Variants in SUPT3H observed in about 807,000 individuals in gnomAD.
SUPT3H encodes SPT3 homolog, SAGA and STAGA complex component.
A neutral mutation model predicts 44.3 loss-of-function variants in SUPT3H; 44 were observed. That is an observed-to-expected ratio of 0.99 (90% confidence interval 0.78 to 1.28). SUPT3H has a LOEUF of 1.28. Among genes scored for constraint, SUPT3H ranks in the 50% most tolerant of loss-of-function variants. The pLI, the probability that SUPT3H is intolerant of heterozygous loss-of-function variation, is 0.00. For missense variants in SUPT3H, 380 were observed against 387.1 expected, an observed-to-expected ratio of 0.98 and a Z score of 0.15; for synonymous variants, 124 against 125.6, an observed-to-expected ratio of 0.99 and a Z score of 0.09.
chr6:45,316,607 T>C (rs1784741186), intron 2 of SUPT3H, among the ~76,000 whole-genome samples: 1 of 152,062 alleles, frequency 6.6e-6, no homozygotes, highest in South Asian at 2.1e-4. Flanking sequence ...AATTAACATG[T>C]GAAAATCAGT....
At position 45,152,384 on chromosome 6, in the gene SUPT3H, AGCT is replaced by A. The variant is rs368022855; in HGVS notation, c.102-46381_102-46379del. On this transcript the variant is annotated intron_variant, in intron 2 of 10. Coordinates refer to ENST00000371459, the MANE Select transcript of SUPT3H (RefSeq NM_003599.4). ...CTCCAACTGCTAATGCCTTAAGCGA[AGCT>A]GCTATCATCTCTAGCCTGGGCAGTT... 4.8e-3 allele frequency among the ~76,000 whole-genome samples: 731 copies of A among 152,280 alleles called. 5 individuals carry two copies. The highest frequency in any genetic ancestry group is 0.017 in the African/African-American group (698 of 41,578).
chr6:45,022,309 C>A (rs561729294), intron 3 of SUPT3H, among the ~76,000 whole-genome samples: 2 of 152,004 alleles, frequency 1.3e-5, no homozygotes, highest in East Asian at 3.9e-4. Flanking sequence ...TATAAATAAT[C>A]TCTATTCATA....
chr6:45,150,042 T>G (rs1428580483), intron 2 of SUPT3H, among the ~76,000 whole-genome samples: 1 of 152,090 alleles, frequency 6.6e-6, no homozygotes, highest in African/African-American at 2.4e-5. Context: ...GCATCAATGT[T>G]TTTTTTAAGA....
intron 2 of SUPT3H, among the ~76,000 whole-genome samples, chr6:45,326,856 T>C (rs1354242210): frequency 2.0e-5 from 3 of 151,938 alleles, no homozygotes; most frequent in Non-Finnish European, 4.4e-5. Flanking sequence ...TGTAATTCAC[T>C]GTCTCCGCCC....
chr6:45,216,511 T>G (rs1297439189), intron 2 of SUPT3H, among the ~76,000 whole-genome samples: 1 of 152,146 alleles, frequency 6.6e-6, no homozygotes, highest in Non-Finnish European at 1.5e-5. Flanking sequence ...ATAAATAAAC[T>G]GAATAAATTA....
At chr6:44,940,917 T>C (rs1772306151) in intron 9 of SUPT3H, among the ~76,000 whole-genome samples, 1 of 152,128 alleles carries the variant, frequency 6.6e-6, no homozygotes, top group African/African-American at 2.4e-5. Flanking sequence ...AATGTCTTTT[T>C]CCTCCCTTTC....
intron 2 of SUPT3H, among the ~76,000 whole-genome samples, chr6:45,329,694 C>T (rs1017546470): frequency 7.9e-5 from 12 of 151,990 alleles, no homozygotes; most frequent in African/African-American, 2.9e-4. Context: ...AACTATTAAA[C>T]CATGCTGGAC....
chr6:45,159,711 A>G lies in SUPT3H; in HGVS notation c.102-53705T>C, dbSNP rs566067527. On this transcript the variant is annotated intron_variant, in intron 2 of 10. Coordinates refer to ENST00000371459, the MANE Select transcript of SUPT3H (RefSeq NM_003599.4). ...ATTCCTTTCTTTGTTTAGCTACTAC[A>G]ACAAGATCCACGTTTAGTTAGCTTC... Among the ~76,000 whole-genome samples, 9 of 152,324 alleles carry G rather than the reference A, an allele frequency of 5.9e-5. 1 individual carries two copies. The South Asian group carries it at 1.9e-3, about 32-fold the overall frequency.
At chr6:44,959,978 C>A (rs1367075874) in intron 7 of SUPT3H, among the ~76,000 whole-genome samples, 3 of 152,072 alleles carry the variant, frequency 2.0e-5, no homozygotes, top group Non-Finnish European at 4.4e-5. Flanking sequence ...ACAGATTTCC[C>A]CACCAAGGTT....
chr6:45,259,774 A>G (rs1214742972), intron 2 of SUPT3H, among the ~76,000 whole-genome samples: 2 of 152,128 alleles, frequency 1.3e-5, no homozygotes, highest in Admixed American at 6.6e-5. Flanking sequence ...TGTTGTTTAC[A>G]CCGATCCCCT....
chr6:45,362,594 C>T (rs1337969952), intron 2 of SUPT3H, among the ~76,000 whole-genome samples: 4 of 152,000 alleles, frequency 2.6e-5, no homozygotes, highest in Non-Finnish European at 4.4e-5. Flanking sequence ...CAATTTTGGC[C>T]CTATTTCCCT....
At chr6:45,186,101 C>T (rs1401187207) in intron 2 of SUPT3H, among the ~76,000 whole-genome samples, 1 of 152,146 alleles carries the variant, frequency 6.6e-6, no homozygotes, top group African/African-American at 2.4e-5. Context: ...TGAACATCCA[C>T]ATCCTATCTG....
At chr6:45,205,963 T>C (rs1002589069) in intron 2 of SUPT3H, among the ~76,000 whole-genome samples, 2 of 152,146 alleles carry the variant, frequency 1.3e-5, no homozygotes, top group Admixed American at 1.3e-4. Flanking sequence ...TCAACAATTA[T>C]GAGAAATAAT....
chr6:45,238,243 T>C (rs1769579617), intron 2 of SUPT3H, among the ~76,000 whole-genome samples: 1 of 152,200 alleles, frequency 6.6e-6, no homozygotes, highest in African/African-American at 2.4e-5. Flanking sequence ...ATTCGATTTC[T>C]TGCACTGGTT....
At chr6:45,027,285 G>A (rs925839597) in intron 3 of SUPT3H, among the ~76,000 whole-genome samples, 13 of 152,152 alleles carry the variant, frequency 8.5e-5, no homozygotes, top group African/African-American at 2.4e-4. Context: ...AGGAGCTACC[G>A]TGCCCAGACT....
At chr6:45,199,284 T>C (rs559819402) in intron 2 of SUPT3H, among the ~76,000 whole-genome samples, 38 of 151,360 alleles carry the variant, frequency 2.5e-4, no homozygotes, top group Admixed American at 6.6e-4. Context: ...CTCAGCTTAA[T>C]TTTTAACTAT....
chr6:45,325,877 G>C (rs1298139901), intron 2 of SUPT3H, among the ~76,000 whole-genome samples: 2 of 151,906 alleles, frequency 1.3e-5, no homozygotes, highest in South Asian at 2.1e-4. Flanking sequence ...TTGCTCCAAA[G>C]AGGATATATT....
chr6:44,937,157 G>A (rs1771577331), intron 9 of SUPT3H, among the ~76,000 whole-genome samples: 1 of 152,070 alleles, frequency 6.6e-6, no homozygotes, highest in African/African-American at 2.4e-5. Flanking sequence ...ACCCAGTAAT[G>A]AGATTGCTGG....
intron 10 of SUPT3H, among the ~76,000 whole-genome samples, chr6:44,835,403 C>A (rs1157208705): frequency 6.6e-6 from 1 of 152,086 alleles, no homozygotes; most frequent in Admixed American, 6.6e-5. Flanking sequence ...GCCCTGTCAC[C>A]AAGAGCCTGG....
Sources: allele counts gnomAD v4.1 joint callset (sites outside exome capture counted in the v4.1 genomes callset), GRCh38; gene constraint gnomAD v4.1.1; transcripts MANE v1.5; gene names NCBI Gene and HGNC (gene_info 2026-07-23, HGNC 2026-07-21).